The following SAMD4A variants were observed in gnomAD, a reference collection of about 807,000 sequenced individuals.
SAMD4A encodes sterile alpha motif domain containing 4A.
In SAMD4A, 33 loss-of-function variants were observed where a neutral mutation model predicts 81.3. That is an observed-to-expected ratio of 0.41 (90% confidence interval 0.31 to 0.54). The LOEUF (loss-of-function observed/expected upper bound fraction) is 0.54, where lower values mean the gene tolerates loss of function less well. Among genes scored for constraint, SAMD4A ranks in the 20% least tolerant of loss-of-function variants. The pLI, the probability that SAMD4A is intolerant of heterozygous loss-of-function variation, is 0.37. For missense variants in SAMD4A, 854 were observed against 951.1 expected, an observed-to-expected ratio of 0.90 and a Z score of 1.34; for synonymous variants, 389 against 382.1, an observed-to-expected ratio of 1.02 and a Z score of -0.21.
chr14:54,690,163 G>A (rs991757687), intron 2 of SAMD4A: 1 of 152,116 alleles, frequency 6.6e-6, no homozygotes, highest in African/African-American at 2.4e-5. Context: ...AAGTGGGGGG[G>A]GTGTTATACA....
At chr14:54,588,085 G>T (rs1210867826) in intron 2 of SAMD4A, among the ~76,000 whole-genome samples, 1 of 152,092 alleles carries the variant, frequency 6.6e-6, no homozygotes, top group Admixed American at 6.6e-5. Context: ...TCTGTTCAGA[G>T]ATTCTGTGTC....
At chr14:54,572,493 A>C (rs2033158259) in intron 2 of SAMD4A, among the ~76,000 whole-genome samples, 1 of 152,218 alleles carries the variant, frequency 6.6e-6, no homozygotes, top group Non-Finnish European at 1.5e-5. Context: ...TTTAGTTCAG[A>C]CAGTTTCCAT....
chr14:54,572,912 T>C (rs2033173124), intron 2 of SAMD4A, among the ~76,000 whole-genome samples: 1 of 152,212 alleles, frequency 6.6e-6, no homozygotes, highest in Non-Finnish European at 1.5e-5. Context: ...GAGGATGACT[T>C]GGAACCCTAA....
intron 5 of SAMD4A, among the ~76,000 whole-genome samples, chr14:54,750,328 A>G (rs946960008): frequency 9.9e-5 from 15 of 152,222 alleles, no homozygotes; most frequent in Admixed American, 9.8e-4. Context: ...TAATTTTTCT[A>G]GTAAAGATGT....
At chr14:54,750,170 A>T (rs2038067662) in intron 5 of SAMD4A, among the ~76,000 whole-genome samples, 1 of 152,252 alleles carries the variant, frequency 6.6e-6, no homozygotes, top group Admixed American at 6.5e-5. Context: ...CTTGAGGAAA[A>T]AAAACAAGAA....
chr14:54,782,871 TCTC>T (rs1478040163), intron 11 of SAMD4A, among the ~76,000 whole-genome samples: 3 of 152,198 alleles, frequency 2.0e-5, no homozygotes, highest in Non-Finnish European at 4.4e-5. Context: ...TCGTTTCACT[TCTC>T]TTTCTTCTCT....
chr14:54,741,566 A>AC (rs2037843709), intron 4 of SAMD4A, among the ~76,000 whole-genome samples: 1 of 152,104 alleles, frequency 6.6e-6, no homozygotes, highest in African/African-American at 2.4e-5. Flanking sequence ...GCTGAGAGCT[A>AC]CTGTTCCTGC....
Position 54,688,757 on chromosome 14 carries a change from A to G in SAMD4A, c.197-13305A>G, listed in dbSNP as rs988779461. The stretch of plus-strand genomic sequence containing the variant: ...CTAGCCTTTCTCCTGGTAAGAAATC[A>G]TGGTTCCCACCTGGTTTCACATCAG... On this transcript the variant is annotated intron_variant, in intron 2 of 12. Transcript: ENST00000554335. Among the ~76,000 whole-genome samples, 6 of 152,244 alleles carry G rather than the reference A, an allele frequency of 3.9e-5. No homozygotes were observed. The East Asian group carries it at 9.7e-4, about 25-fold the overall frequency.
intron 3 of SAMD4A, among the ~76,000 whole-genome samples, chr14:54,732,909 T>C (rs1036979111): frequency 3.3e-5 from 5 of 152,222 alleles, no homozygotes; most frequent in African/African-American, 1.2e-4. Flanking sequence ...CTGACTCTTA[T>C]TTCAATAAAT....
Position 54,702,393 on chromosome 14 carries a change from C to T in SAMD4A, c.528C>T (p.Tyr176=), listed in dbSNP as rs146555964. Residue 176 remains tyrosine (Y), a synonymous_variant, in exon 3 of 13, where the codon TAC becomes TAT. Transcript: ENST00000554335. ...SDSVDYGQTH[Y]YHQRQNSDDK... ...CTGTGGATTATGGACAGACACACTA[C>T]TATCACCAAAGACAGAACTCTGATG... The T allele has an allele frequency of 1.9e-6, 3 of 1,614,058 alleles. No individual in the cohort carries two copies. The highest frequency in any genetic ancestry group is 1.3e-5 in the African/African-American group (1 of 74,944).
chr14:54,788,851 A>G, intron 12 of SAMD4A, 65 bp from the exon 13 acceptor site: 1 of 1,604,234 alleles, frequency 6.2e-7, no homozygotes, highest in Non-Finnish European at 8.5e-7. Context: ...TGGCGTTGGC[A>G]TAGGTGGGCA....
At chr14:54,638,589 G>T (rs186116729) in intron 2 of SAMD4A, among the ~76,000 whole-genome samples, 1 of 152,060 alleles carries the variant, frequency 6.6e-6, no homozygotes. Flanking sequence ...ATAAGTCCTC[G>T]GTTTAAAAAC....
chr14:54,788,747 T>C lies in SAMD4A; in HGVS notation c.2129-169T>C, dbSNP rs182313122. Among the ~76,000 whole-genome samples, 422 of 152,322 alleles carry C rather than the reference T, an allele frequency of 2.8e-3. 2 individuals are homozygous for C. Among genetic ancestry groups the C allele is most frequent in the African/African-American group, 9.7e-3 (403 of 41,566 alleles). On this transcript the variant is annotated intron_variant, in intron 12 of 12. Coordinates refer to ENST00000554335, the MANE Select transcript of SAMD4A (RefSeq NM_015589.6). ...TATGGCTCCTGGCAAAAATAGCTGT[T>C]CCCCAGATATCATGTGGGTGGGTAT...
rs1187598 is a variant in SAMD4A, at chr14:54,593,902, C to T, written c.196+25790C>T. ...GGGGAGAATCAGAGCGGTGGTATTACTGGTGCCTTGTGAAAAGGAAGGAAG... is the reference window on the plus strand; with the variant it reads ...GGGGAGAATCAGAGCGGTGGTATTATTGGTGCCTTGTGAAAAGGAAGGAAG... On this transcript the variant is annotated intron_variant, in intron 2 of 12. Transcript: ENST00000554335. 5.2e-3 allele frequency among the ~76,000 whole-genome samples: 798 copies of T among 152,132 alleles called. 3 individuals are homozygous for T. Among genetic ancestry groups the T allele is most frequent in the Non-Finnish European group, 8.0e-3 (546 of 68,002 alleles).
intron 6 of SAMD4A, among the ~76,000 whole-genome samples, chr14:54,753,526 T>G (rs1381087575): frequency 1.3e-5 from 2 of 152,314 alleles, no homozygotes; most frequent in East Asian, 3.9e-4. Context: ...GCAAAGCAAT[T>G]GTTTCAAGTA....
chr14:54,781,183 G>T (rs2038991053), intron 11 of SAMD4A, among the ~76,000 whole-genome samples: 1 of 152,208 alleles, frequency 6.6e-6, no homozygotes. Flanking sequence ...TTCCTGGAAT[G>T]CCCCAGCCTG....
At chr14:54,594,333 G>A (rs2140195216) in intron 2 of SAMD4A, among the ~76,000 whole-genome samples, 1 of 152,156 alleles carries the variant, frequency 6.6e-6, no homozygotes, top group Admixed American at 6.5e-5. Context: ...CAAGGTAGGA[G>A]GATTGCTTGA....
intron 2 of SAMD4A, among the ~76,000 whole-genome samples, chr14:54,647,027 T>C (rs1030927162): frequency 6.6e-6 from 1 of 152,238 alleles, no homozygotes; most frequent in African/African-American, 2.4e-5. Flanking sequence ...TTGACACATA[T>C]TTTCCAAGGT....
intron 2 of SAMD4A, among the ~76,000 whole-genome samples, chr14:54,691,268 G>A (rs1361750444): frequency 6.6e-6 from 1 of 152,134 alleles, no homozygotes; most frequent in Admixed American, 6.5e-5. Flanking sequence ...CTTGTCTGGA[G>A]ACATTATCCC....
Sources: gnomAD v4.1 joint callset for allele counts (sites outside exome capture counted in the v4.1 genomes callset) on GRCh38, gnomAD v4.1.1 for gene constraint, MANE v1.5 for transcripts, NCBI Gene and HGNC (gene_info 2026-07-23, HGNC 2026-07-21) for gene names.